Variants in RBFOX1 observed in about 807,000 individuals in gnomAD.
The protein encoded by RBFOX1 is RNA binding protein fox-1 homolog 1.
Under a neutral mutation model 57.7 loss-of-function variants are expected in RBFOX1, and 8 were observed. The ratio of observed to expected loss-of-function variants is 0.14; its 90% confidence interval spans 0.08 to 0.25. The LOEUF (loss-of-function observed/expected upper bound fraction) is 0.25, where lower values mean the gene tolerates loss of function less well. RBFOX1 is among the 10% of genes least tolerant of loss of function. The pLI, the probability that RBFOX1 is intolerant of heterozygous loss-of-function variation, is 1.00. For missense variants in RBFOX1, 611 were observed against 548.5 expected (o/e 1.11, Z -1.14); for synonymous variants, 326 against 222.4 (o/e 1.47, Z -4.15).
intron 4 of RBFOX1, among the ~76,000 whole-genome samples, chr16:5,876,721 G>A (rs2057621690): frequency 6.6e-6 from 1 of 152,062 alleles, no homozygotes; most frequent in African/African-American, 2.4e-5. Context: ...CCAACCTTCT[G>A]ACTGTTTAAG....
intron 1 of RBFOX1, among the ~76,000 whole-genome samples, chr16:5,341,774 G>A (rs1283162083): frequency 6.6e-6 from 1 of 152,174 alleles, no homozygotes; most frequent in African/African-American, 2.4e-5. Flanking sequence ...TGGGGATGGA[G>A]GAGACTGGAA....
At position 5,679,269 on chromosome 16, in the gene RBFOX1, C is replaced by G. The variant is rs548378503; in HGVS notation, c.318+80308C>G. On this transcript the variant is annotated intron_variant, in intron 3 of 19. Coordinates refer to the RBFOX1 transcript ENST00000641259. Reference sequence around the variant, plus strand: ...CCTCATGCTTCTCTTAAGGTGAGCACTAAATAATATGCTAAAGTCATGCTG... The same window carrying G: ...CCTCATGCTTCTCTTAAGGTGAGCAGTAAATAATATGCTAAAGTCATGCTG... 3.9e-5 allele frequency among the ~76,000 whole-genome samples: 6 copies of G among 152,092 alleles called. No individual in the cohort carries two copies. In the South Asian group the frequency reaches 1.0e-3, roughly 26 times the overall value.
intron 3 of RBFOX1, among the ~76,000 whole-genome samples, chr16:5,802,355 G>A (rs550725156): frequency 6.6e-6 from 1 of 152,274 alleles, no homozygotes; most frequent in South Asian, 2.1e-4. Context: ...TGGAAGCCAA[G>A]ATGCGTGTGA....
At chr16:6,536,632 G>C (rs545635330) in intron 2 of RBFOX1, among the ~76,000 whole-genome samples, 1 of 152,046 alleles carries the variant, frequency 6.6e-6, no homozygotes, top group East Asian at 1.9e-4. Context: ...GCAAACAGAA[G>C]TGTTTCTTCA....
intron 1 of RBFOX1, among the ~76,000 whole-genome samples, chr16:6,143,979 A>ATATATATATATATATATC: frequency 6.6e-6 from 1 of 150,384 alleles, no homozygotes; most frequent in African/African-American, 2.5e-5. Flanking sequence ...ATATATATAT[A>ATATATATATATATATATC]TATCTCTACC....
intron 5 of RBFOX1, among the ~76,000 whole-genome samples, chr16:7,520,058 T>G (rs1453227868): frequency 6.6e-6 from 1 of 152,096 alleles, no homozygotes; most frequent in East Asian, 1.9e-4. Flanking sequence ...GCTAATTTTT[T>G]GTATTTTTGG....
intron 2 of RBFOX1, among the ~76,000 whole-genome samples, chr16:6,606,232 T>G (rs1355985047): frequency 1.3e-5 from 2 of 152,196 alleles, no homozygotes; most frequent in Non-Finnish European, 2.9e-5. Flanking sequence ...AGGAATCCTG[T>G]GAAGTACTAC....
chr16:7,101,844 T>G (rs148329805), intron 4 of RBFOX1, among the ~76,000 whole-genome samples: 179 of 152,214 alleles, frequency 1.2e-3, no homozygotes, highest in South Asian at 9.6e-3. Flanking sequence ...GCTCTTGTCT[T>G]TGTCTGCATC....
At chr16:6,588,692 T>G (rs140694739) in intron 2 of RBFOX1, among the ~76,000 whole-genome samples, 4 of 152,262 alleles carry the variant, frequency 2.6e-5, no homozygotes, top group African/African-American at 9.6e-5. Context: ...CCCTGCATTT[T>G]TTGGTCTTCT....
chr16:7,422,323 A>G (rs1046574375), intron 4 of RBFOX1, among the ~76,000 whole-genome samples: 1 of 152,160 alleles, frequency 6.6e-6, no homozygotes, highest in East Asian at 1.9e-4. Flanking sequence ...CAGGAGAGCA[A>G]GTGAGCTGTG....
chr16:7,403,224 C>G (rs940279570), intron 4 of RBFOX1, among the ~76,000 whole-genome samples: 6 of 152,164 alleles, frequency 3.9e-5, no homozygotes, highest in Non-Finnish European at 5.9e-5. Context: ...GCTCAGAGTT[C>G]CGTTTTTTGG....
intron 3 of RBFOX1, among the ~76,000 whole-genome samples, chr16:6,915,759 C>T (rs1485555394): frequency 2.0e-5 from 3 of 152,018 alleles, no homozygotes; most frequent in Non-Finnish European, 2.9e-5. Flanking sequence ...GCCATGTTGC[C>T]CATGCTGCCC....
At chr16:6,352,460 G>A (rs1422304090) in intron 2 of RBFOX1, among the ~76,000 whole-genome samples, 1 of 152,158 alleles carries the variant, frequency 6.6e-6, no homozygotes, top group African/African-American at 2.4e-5. Context: ...AATCATGAAT[G>A]TGGATTACAA....
At chr16:6,758,037 G>T (rs1314653944) in intron 3 of RBFOX1, among the ~76,000 whole-genome samples, 1 of 152,148 alleles carries the variant, frequency 6.6e-6, no homozygotes, top group Non-Finnish European at 1.5e-5. Context: ...CTTTTAAGAA[G>T]TCAGTCCAAA....
chr16:7,254,351 C>T (rs1208869223), intron 4 of RBFOX1, among the ~76,000 whole-genome samples: 1 of 152,112 alleles, frequency 6.6e-6, no homozygotes, highest in African/African-American at 2.4e-5. Flanking sequence ...CCCTGGGCTC[C>T]TTAGGTTAAT....
chr16:5,604,685 C>A (rs570605023), downstream of RBFOX1, among the ~76,000 whole-genome samples: 2 of 152,308 alleles, frequency 1.3e-5, no homozygotes, highest in East Asian at 3.9e-4. Context: ...TCTGTCCATG[C>A]TGATACAGTC....
rs181266651 is a variant in RBFOX1 at position 7,079,074 on chromosome 16, G to C, written c.27+26976G>C. 5.3e-5 allele frequency among the ~76,000 whole-genome samples: 8 copies of C among 151,926 alleles called. No individual in the cohort carries two copies. The East Asian group carries it at 1.2e-3, about 22-fold the overall frequency. ...ATGGTTCAACTCATGACAGCCTGAA[G>C]TCTTTATTTACGTGTATCTATCCCA... On this transcript the variant is annotated intron_variant, in intron 4 of 15. Transcript: ENST00000550418.
At chr16:6,367,140 GAAT>G (rs939314377) in intron 2 of RBFOX1, among the ~76,000 whole-genome samples, 6 of 152,198 alleles carry the variant, frequency 3.9e-5, no homozygotes, top group African/African-American at 1.4e-4. Context: ...AGGGCAAAAT[GAAT>G]AAAGTGAGAG....
chr16:5,970,582 A>G (rs1051576188), intron 4 of RBFOX1, among the ~76,000 whole-genome samples: 50 of 152,200 alleles, frequency 3.3e-4, no homozygotes, highest in African/African-American at 1.1e-3. Flanking sequence ...GACCCTGAGT[A>G]ATTTTACAGT....
Sources: allele counts gnomAD v4.1 joint callset (sites outside exome capture counted in the v4.1 genomes callset), GRCh38; gene constraint gnomAD v4.1.1; transcripts MANE v1.5; gene names NCBI Gene and HGNC (gene_info 2026-07-23, HGNC 2026-07-21).